Variants in LTBP1 observed in about 807,000 individuals in gnomAD.
The protein encoded by LTBP1 is latent transforming growth factor beta binding protein 1.
Under a neutral mutation model 207.6 loss-of-function variants are expected in LTBP1, and 129 were observed. The ratio of observed to expected loss-of-function variants is 0.62; its 90% CI spans 0.54 to 0.72. The LOEUF (loss-of-function observed/expected upper bound fraction) is 0.72, where lower values mean the gene tolerates loss of function less well. LTBP1 is among the 30% of genes least tolerant of loss of function. LTBP1 has a pLI of 0.00. For missense variants in LTBP1, 2,281 were observed against 2,217.2 expected (o/e 1.03, Z -0.58); for synonymous variants, 963 against 833.7 (o/e 1.16, Z -2.67).
rs182345909 is a variant in LTBP1 at position 33,397,294 on chromosome 2, G to A, written c.4984+12G>A. On this transcript the variant is annotated intron_variant, in intron 33 of 33. Transcript: ENST00000404816. ...GATGACCTGTGTCGGTAAGAATGAC[G>A]TGTGTTTTATGGGACATTAATTTTT... is the stretch of plus-strand genomic sequence containing the variant. 2.1e-5 allele frequency: 34 copies of A among 1,613,738 alleles called. No individual in the cohort carries two copies. Among genetic ancestry groups the A allele is most frequent in the South Asian group, 5.5e-5 (5 of 91,042 alleles).
At position 33,342,825 on chromosome 2, in the gene LTBP1, G is replaced by A; in HGVS notation, c.3731-13G>A. The A allele has an allele frequency of 1.2e-6, 2 of 1,612,418 alleles. No individual in the cohort carries two copies. The highest frequency in any genetic ancestry group is 1.7e-4 in the Middle Eastern group (1 of 6,060). ...GTTTGTTTTGTGTCTGATGTTCCATGTCTTTTTTGCAGATATTGATGAATG... is the reference window on the plus strand; with the variant it reads ...GTTTGTTTTGTGTCTGATGTTCCATATCTTTTTTGCAGATATTGATGAATG... On this transcript the variant is annotated splice_polypyrimidine_tract_variant and intron_variant, in intron 24 of 33. Transcript: ENST00000404816.
At chr2:33,227,045 TC>T (rs1226076610) in intron 9 of LTBP1, among the ~76,000 whole-genome samples, 3 of 148,776 alleles carry the variant, frequency 2.0e-5, no homozygotes, top group Non-Finnish European at 4.4e-5. Context: ...TTTTTTTTTG[TC>T]TTTTTTTTGA....
chr2:33,387,027 A>C (rs2095271955), intron 31 of LTBP1, among the ~76,000 whole-genome samples: 1 of 151,932 alleles, frequency 6.6e-6, no homozygotes, highest in African/African-American at 2.4e-5. Flanking sequence ...ACAGGGTTTC[A>C]CCATGTTGGC....
At chr2:33,386,167 A>T (rs1488845634) in intron 31 of LTBP1, among the ~76,000 whole-genome samples, 1 of 152,188 alleles carries the variant, frequency 6.6e-6, no homozygotes, top group East Asian at 1.9e-4. Flanking sequence ...TGCTTTTAAA[A>T]ACTAATCCAA....
intron 2 of LTBP1, among the ~76,000 whole-genome samples, chr2:32,986,239 A>G (rs1468589489): frequency 1.3e-5 from 2 of 152,140 alleles, no homozygotes; most frequent in Non-Finnish European, 2.9e-5. Flanking sequence ...CAGGACTCCT[A>G]GGATGATGTT....
chr2:33,349,530 T>A (rs1014051449), intron 26 of LTBP1, among the ~76,000 whole-genome samples: 1 of 152,224 alleles, frequency 6.6e-6, no homozygotes, highest in Non-Finnish European at 1.5e-5. Flanking sequence ...TTGTGGAGTT[T>A]GTGTGGCTAT....
intron 4 of LTBP1, among the ~76,000 whole-genome samples, chr2:33,122,196 T>A (rs1158454155): frequency 1.3e-5 from 2 of 152,102 alleles, no homozygotes; most frequent in Non-Finnish European, 2.9e-5. Context: ...AATTGCGTAT[T>A]TCCTCTCTTC....
At chr2:33,307,151 G>C (rs2094111256) in intron 22 of LTBP1, among the ~76,000 whole-genome samples, 1 of 152,226 alleles carries the variant, frequency 6.6e-6, no homozygotes, top group Admixed American at 6.5e-5. Flanking sequence ...AGAGCTGTCA[G>C]AGTAAATGTG....
rs1350275031 is a variant in LTBP1, at chr2:33,300,433, C to T, written c.3236-18C>T. 6.2e-7 allele frequency: 1 copy of T among 1,609,630 alleles called. No individual in the cohort carries two copies. On this transcript the variant is annotated intron_variant, in intron 20 of 33. Transcript: ENST00000404816. The stretch of plus-strand genomic sequence containing the variant: ...GGTAGTCTCTTTTTCAGAAAAATTG[C>T]CGTTGTTGTGTTTGCAGATATTGAT...
intron 22 of LTBP1, among the ~76,000 whole-genome samples, chr2:33,304,525 C>T (rs2149066224): frequency 6.6e-6 from 1 of 152,340 alleles, no homozygotes; most frequent in Admixed American, 6.5e-5. Flanking sequence ...AAGTGTTGTG[C>T]CTGCTTCTGT....
chr2:33,010,546 G>C (rs984514793), intron 2 of LTBP1, among the ~76,000 whole-genome samples: 1 of 152,100 alleles, frequency 6.6e-6, no homozygotes, highest in African/African-American at 2.4e-5. Context: ...ACATAGAAAT[G>C]ATAAATATTC....
chr2:33,289,675 T>G (rs1483776744), intron 19 of LTBP1, among the ~76,000 whole-genome samples: 1 of 152,190 alleles, frequency 6.6e-6, no homozygotes, highest in African/African-American at 2.4e-5. Flanking sequence ...TAGAACCAAT[T>G]TTTTTTATCA....
At chr2:33,146,863 C>G (rs892114306) in intron 5 of LTBP1, among the ~76,000 whole-genome samples, 18 of 152,192 alleles carry the variant, frequency 1.2e-4, no homozygotes, top group Admixed American at 2.6e-4. Context: ...CTCCTGGGCC[C>G]GGGGATTACA....
chr2:33,049,902 T>G (rs938578669), intron 3 of LTBP1, among the ~76,000 whole-genome samples: 8 of 151,848 alleles, frequency 5.3e-5, no homozygotes, highest in Non-Finnish European at 1.2e-4. Flanking sequence ...AGTGCAGTGG[T>G]GTGATCACAG....
In LTBP1 at chr2:32,946,978, C is replaced by T. The variant is rs1159709004; in HGVS notation, c.-347C>T. On this transcript the variant is annotated 5_prime_UTR_variant, in exon 1 of 34. Transcript: ENST00000404816. Reference sequence around the variant, plus strand: ...GGAGTGTCCCGCGCGCTCTCGCTCGCTCTCGGCCACCCTCGCCGGGCCCCG... The same window carrying T: ...GGAGTGTCCCGCGCGCTCTCGCTCGTTCTCGGCCACCCTCGCCGGGCCCCG... The T allele has an allele frequency of 1.0e-5, 2 of 191,824 alleles. No individual in the cohort carries two copies. The highest frequency in any genetic ancestry group is 2.1e-5 in the Non-Finnish European group (2 of 94,414). 11.9% of individuals were successfully genotyped at this position (191,824 alleles called of 1,614,324 possible). A position where few individuals can be genotyped will look rare whatever the true frequency, so the allele number is the denominator to read the frequency against.
In LTBP1 at chr2:33,073,284, T is replaced by G. The variant is rs968911904; in HGVS notation, c.864-37298T>G. On this transcript the variant is annotated intron_variant, in intron 3 of 33. Coordinates refer to ENST00000404816, the MANE Select transcript of LTBP1 (RefSeq NM_206943.4). ...ACAGAATGATGTCACAGTGTTTTTT[T>G]TGTTTTTGTTTTTTTATTTTACCAT... Among the ~76,000 whole-genome samples the G allele has an allele frequency of 5.9e-5, 5 of 85,200 alleles. No homozygotes were observed. In the East Asian group the frequency reaches 0.012, roughly 204 times the overall value. 55.9% of individuals were successfully genotyped at this position (85,200 alleles called of 152,430 possible). A position where few individuals can be genotyped will look rare whatever the true frequency, so the allele number is the denominator to read the frequency against.
chr2:33,285,228 G>A (rs1169558437), intron 19 of LTBP1, among the ~76,000 whole-genome samples: 3 of 151,532 alleles, frequency 2.0e-5, no homozygotes, highest in Non-Finnish European at 2.9e-5. Flanking sequence ...TTTTAGTAGA[G>A]ATGGGGTTTC....
At chr2:33,006,381 CTTTTTT>C (rs3047193) in intron 2 of LTBP1, among the ~76,000 whole-genome samples, 2 of 116,754 alleles carry the variant, frequency 1.7e-5, no homozygotes, top group Admixed American at 8.6e-5. Context: ...ATAAGAAAGC[CTTTTTT>C]TTTTTTTTTT....
rs926919488 is a variant in LTBP1, at chr2:33,070,813, C to T, written c.864-39769C>T. On this transcript the variant is annotated intron_variant, in intron 3 of 33. Transcript: ENST00000404816. ...GACCCCAGTAGAGAAGGCACTGTGG[C>T]GTGGGGGAGTAACACCTGTTTAGTA... 4.6e-5 allele frequency among the ~76,000 whole-genome samples: 7 copies of T among 152,174 alleles called. 1 individual carries two copies. The highest frequency in any genetic ancestry group is 9.6e-5 in the African/African-American group (4 of 41,526).
Sources: allele counts gnomAD v4.1 joint callset (sites outside exome capture counted in the v4.1 genomes callset), GRCh38; gene constraint gnomAD v4.1.1; transcripts MANE v1.5; gene names NCBI Gene and HGNC (gene_info 2026-07-23, HGNC 2026-07-21).